TMCC1: variants seen among roughly 807,000 people sequenced by gnomAD.
TMCC1 encodes the protein transmembrane and coiled-coil domains protein 1.
Under a neutral mutation model 52.4 loss-of-function variants are expected in TMCC1, and 15 were observed. That is an observed-to-expected ratio of 0.29 (90% CI 0.19 to 0.44). TMCC1 has a LOEUF of 0.44. Ranked by LOEUF, TMCC1 falls within the 20% of genes least tolerant of loss-of-function variation. The pLI is 1.00. For missense variants in TMCC1, 503 were observed against 806.0 expected (o/e 0.62, Z 4.55); for synonymous variants, 279 against 301.9 (o/e 0.92, Z 0.79).
At chr3:129,746,567 T>A (rs1167967592) in intron 4 of TMCC1, among the ~76,000 whole-genome samples, 1 of 152,180 alleles carries the variant, frequency 6.6e-6, no homozygotes, top group Non-Finnish European at 1.5e-5. Context: ...ATGAGCCAAG[T>A]CACATTTATA....
chr3:129,665,694 A>G (rs1306612571), intron 5 of TMCC1, among the ~76,000 whole-genome samples: 1 of 152,196 alleles, frequency 6.6e-6, no homozygotes, highest in Non-Finnish European at 1.5e-5. Flanking sequence ...TGAGCTTTGA[A>G]AAAAATCATC....
rs757290410 is a variant in TMCC1 at position 129,828,119 on chromosome 3, T to C, written c.260A>G (p.Asn87Ser). Residue 87 changes from asparagine (N) to serine (S), a missense_variant, in exon 4 of 7, where the codon AAC (asparagine) becomes AGC (serine). By Grantham distance (46) the Asn-to-Ser change is conservative (BLOSUM62 1). Transcript: ENST00000393238. This position sits in a 1 kb window ranked among gnomAD's most constrained non-coding sequence, Gnocchi z 4.1. ...PEPEMDLESQ[N>S]ACAEIDGVPT... Reference sequence around the variant, plus strand: ...GACACCATCAATCTCAGCACATGCGTTCTGGCTTTCCAGATCCATTTCAGG... The same window carrying C: ...GACACCATCAATCTCAGCACATGCGCTCTGGCTTTCCAGATCCATTTCAGG... 6.2e-7 allele frequency: 1 copy of C among 1,614,170 alleles called. No individual in the cohort carries two copies. The highest frequency in any genetic ancestry group is 1.1e-5 in the South Asian group (1 of 91,084).
chr3:129,760,429 TGTGTG>T (rs1560352565), intron 4 of TMCC1, among the ~76,000 whole-genome samples: 6 of 149,030 alleles, frequency 4.0e-5, no homozygotes, highest in African/African-American at 1.2e-4. Flanking sequence ...TGTGTGTGTG[TGTGTG>T]TTTTTGAGAC....
At chr3:129,686,843 T>C (rs1388443673) in intron 4 of TMCC1, among the ~76,000 whole-genome samples, 2 of 152,114 alleles carry the variant, frequency 1.3e-5, no homozygotes, top group African/African-American at 4.8e-5. Context: ...AATCAGGCCA[T>C]AAATGAGGAA....
At chr3:129,714,083 A>C (rs2048893178) in intron 4 of TMCC1, among the ~76,000 whole-genome samples, 1 of 152,228 alleles carries the variant, frequency 6.6e-6, no homozygotes, top group African/African-American at 2.4e-5. Context: ...TATGGGATAC[A>C]GTTCTTCAAT....
intron 4 of TMCC1, among the ~76,000 whole-genome samples, chr3:129,678,531 T>C (rs938987257): frequency 2.0e-5 from 3 of 150,818 alleles, no homozygotes; most frequent in Non-Finnish European, 4.4e-5. Flanking sequence ...CGGCTAATTT[T>C]TTGTATTTTT....
At chr3:129,678,957 A>G (rs77476673) in intron 4 of TMCC1, among the ~76,000 whole-genome samples, 49 of 152,186 alleles carry the variant, frequency 3.2e-4, no homozygotes, top group Admixed American at 2.2e-3. Context: ...AGATTACGAC[A>G]CTCTTTTTAT....
At position 129,870,718 on chromosome 3, in the gene TMCC1, CGGGGGGGGGGGGGGGGGG is replaced by C. The variant is rs56383150; in HGVS notation, c.-184+9573_-184+9590del. Reference sequence around the variant, plus strand: ...CGTGCCACTGCACTCCGCGGGTTGGCGGGGGGGGGGGGGGGGGGGCGACAGAGCAAGACTCCATCTCAA... The same window carrying C: ...CGTGCCACTGCACTCCGCGGGTTGGCGCGACAGAGCAAGACTCCATCTCAA... On this transcript the variant is annotated intron_variant, in intron 2 of 6. Transcript: ENST00000393238. Among the ~76,000 whole-genome samples the C allele has an allele frequency of 2.2e-4, 3 of 13,894 alleles. 1 individual carries two copies. Among genetic ancestry groups the C allele is most frequent in the Admixed American group, 3.2e-3 (2 of 634 alleles). 9.1% of individuals were successfully genotyped at this position (13,894 alleles called of 152,430 possible). A position where few individuals can be genotyped will look rare whatever the true frequency, so the allele number is the denominator to read the frequency against.
At chr3:129,860,242 AT>A (rs907107023) in intron 2 of TMCC1, among the ~76,000 whole-genome samples, 3,269 of 149,028 alleles carry the variant, frequency 0.022, 112 homozygotes, top group African/African-American at 0.072. Context: ...AGTGAGTGGA[AT>A]TTTTTTTTTT....
Position 129,679,936 on chromosome 3 carries a change from C to T in TMCC1, c.577-8672G>A, listed in dbSNP as rs150798039. On this transcript the variant is annotated intron_variant, in intron 4 of 6. Transcript: ENST00000393238. The stretch of plus-strand genomic sequence containing the variant: ...GAAGTGTTTCCATTTATTGTATCAC[C>T]AAGAAATCTTAACAAGCTTATTTAT... Among the ~76,000 whole-genome samples, 173 of 152,162 alleles carry T rather than the reference C, an allele frequency of 1.1e-3. 1 individual carries two copies. The highest frequency in any genetic ancestry group is 3.7e-3 in the African/African-American group (152 of 41,498).
At chr3:129,754,857 C>T (rs2052853149) in intron 4 of TMCC1, among the ~76,000 whole-genome samples, 1 of 152,164 alleles carries the variant, frequency 6.6e-6, no homozygotes, top group Non-Finnish European at 1.5e-5. Flanking sequence ...GTGGGTGGAT[C>T]ACCTGAGGTC....
intron 4 of TMCC1, among the ~76,000 whole-genome samples, chr3:129,720,934 C>A (rs1040623516): frequency 5.3e-5 from 8 of 152,072 alleles, no homozygotes; most frequent in African/African-American, 1.9e-4. Context: ...CTCAAGTGAT[C>A]CTCTTGCCTC....
chr3:129,867,664 C>A (rs2060715871), intron 2 of TMCC1, among the ~76,000 whole-genome samples: 2 of 152,158 alleles, frequency 1.3e-5, no homozygotes, highest in Non-Finnish European at 2.9e-5. Flanking sequence ...AAGCAAATAA[C>A]TGAAGCCACA....
At chr3:129,661,778 G>C in intron 5 of TMCC1, among the ~76,000 whole-genome samples, 1 of 152,084 alleles carries the variant, frequency 6.6e-6, no homozygotes, top group Non-Finnish European at 1.5e-5. Context: ...CTCCAGCCTG[G>C]GTGACAGAGT....
intron 4 of TMCC1, among the ~76,000 whole-genome samples, chr3:129,779,361 A>G (rs1376640039): frequency 6.6e-6 from 1 of 152,160 alleles, no homozygotes; most frequent in East Asian, 1.9e-4. Context: ...CCATATAATA[A>G]AACAATCCTT....
intron 4 of TMCC1, among the ~76,000 whole-genome samples, chr3:129,805,526 G>A (rs561408855): frequency 6.6e-6 from 1 of 152,106 alleles, no homozygotes; most frequent in African/African-American, 2.4e-5. Context: ...TTTTAATCCA[G>A]GATTACTCAT....
intron 1 of TMCC1, among the ~76,000 whole-genome samples, chr3:129,882,384 G>A (rs1178504011): frequency 1.3e-5 from 2 of 151,772 alleles, no homozygotes; most frequent in African/African-American, 4.8e-5. Context: ...GCAAGGATAT[G>A]GAGAAAGTGG....
intron 4 of TMCC1, among the ~76,000 whole-genome samples, chr3:129,799,593 G>C (rs1037214208): frequency 1.3e-5 from 2 of 152,082 alleles, no homozygotes; most frequent in Non-Finnish European, 2.9e-5. Flanking sequence ...GGTGGATCAC[G>C]AGATCAGGAG....
intron 4 of TMCC1, among the ~76,000 whole-genome samples, chr3:129,738,171 T>C (rs1038585779): frequency 6.7e-6 from 1 of 148,642 alleles, no homozygotes; most frequent in Non-Finnish European, 1.5e-5. Flanking sequence ...CTCAGGAAGC[T>C]GAGGCAGGGT....
Sources: allele counts gnomAD v4.1 joint callset (sites outside exome capture counted in the v4.1 genomes callset), GRCh38; gene constraint gnomAD v4.1.1; non-coding constraint Gnocchi (gnomAD v3.1); transcripts MANE v1.5; gene names NCBI Gene and HGNC (gene_info 2026-07-23, HGNC 2026-07-21).